The following MPPED1 variants were observed in gnomAD, a reference collection of about 807,000 sequenced individuals.
MPPED1 encodes metallophosphoesterase domain-containing protein 1.
In MPPED1, 16 loss-of-function variants were observed where a neutral mutation model predicts 36.2. The observed-to-expected ratio is 0.44, with a 90% confidence interval of 0.30 to 0.67. The LOEUF is 0.67. Among genes scored for constraint, MPPED1 ranks in the 30% least tolerant of loss-of-function variants. The probability of loss-of-function intolerance (pLI) is 0.10; values close to 1 mark genes in which losing one functional copy is unlikely to be tolerated. For synonymous variants in MPPED1, 199 were observed against 191.3 expected, an observed-to-expected ratio of 1.04 and a Z score of -0.33; for missense variants, 307 against 453.4, an observed-to-expected ratio of 0.68 and a Z score of 2.93.
At chr22:43,455,987 G>A (rs1164382307) in intron 3 of MPPED1, among the ~76,000 whole-genome samples, 1 of 152,206 alleles carries the variant, frequency 6.6e-6, no homozygotes, top group Non-Finnish European at 1.5e-5. Context: ...TGGTGAGGGA[G>A]AGGAAACAGG....
At chr22:43,420,908 C>G (rs1929249433) in intron 1 of MPPED1, among the ~76,000 whole-genome samples, 1 of 152,232 alleles carries the variant, frequency 6.6e-6, no homozygotes, top group South Asian at 2.1e-4. Flanking sequence ...ACAGGGAGAG[C>G]ATGTAGGGCC....
At chr22:43,472,855 GGAC>G (rs1931423507) in intron 3 of MPPED1, among the ~76,000 whole-genome samples, 5 of 152,264 alleles carry the variant, frequency 3.3e-5, no homozygotes, top group African/African-American at 1.2e-4. Flanking sequence ...ACGGGGCACT[GGAC>G]CCTTCTATTT....
At chr22:43,431,000 C>T (rs191896031) in intron 2 of MPPED1, among the ~76,000 whole-genome samples, 4 of 127,490 alleles carry the variant, frequency 3.1e-5, no homozygotes, top group Admixed American at 1.7e-4. Flanking sequence ...TGTTCACTGT[C>T]TCTTTCTACT....
At chr22:43,500,320 T>C (rs1602027327) in intron 5 of MPPED1, among the ~76,000 whole-genome samples, 3 of 139,126 alleles carry the variant, frequency 2.2e-5, no homozygotes, top group African/African-American at 5.4e-5. Flanking sequence ...ATGGAGGTGG[T>C]GATGGTGGTG....
chr22:43,473,670 G>C (rs571084735), intron 3 of MPPED1, among the ~76,000 whole-genome samples: 1 of 152,202 alleles, frequency 6.6e-6, no homozygotes. Flanking sequence ...GGAGTCAGGG[G>C]CCCAAGCCTG....
At chr22:43,452,019 T>A (rs1930587584) in intron 3 of MPPED1, among the ~76,000 whole-genome samples, 1 of 147,752 alleles carries the variant, frequency 6.8e-6, no homozygotes, top group South Asian at 2.1e-4. Context: ...TCTTTTTTTC[T>A]TTCTTTTTTT....
chr22:43,431,758 T>TA, intron 2 of MPPED1, among the ~76,000 whole-genome samples: 1 of 152,348 alleles, frequency 6.6e-6, no homozygotes, highest in South Asian at 2.1e-4. Context: ...GAGCTCTTGA[T>TA]GCGTGGGGAT....
intron 3 of MPPED1, among the ~76,000 whole-genome samples, chr22:43,470,860 G>A (rs1196304362): frequency 1.3e-5 from 2 of 152,246 alleles, no homozygotes; most frequent in Non-Finnish European, 2.9e-5. Flanking sequence ...TGTGACTTTG[G>A]ACTCAGAGGG....
intron 4 of MPPED1, among the ~76,000 whole-genome samples, chr22:43,488,970 G>A (rs28694417): frequency 0.66 from 100,877 of 152,114 alleles, 35,152 homozygotes; most frequent in African/African-American, 0.89. Flanking sequence ...GCACCTCAGC[G>A]TCGTATCTCA....
intron 2 of MPPED1, among the ~76,000 whole-genome samples, chr22:43,427,316 C>A (rs1929512691): frequency 6.6e-6 from 1 of 152,156 alleles, no homozygotes; most frequent in Non-Finnish European, 1.5e-5. Flanking sequence ...CCCTGGAGAA[C>A]TGGGTAATTT....
chr22:43,496,636 G>T, intron 4 of MPPED1, among the ~76,000 whole-genome samples: 1 of 22,262 alleles, frequency 4.5e-5, no homozygotes, highest in Non-Finnish European at 6.8e-5. Context: ...TGGTGGAGAT[G>T]GTGGTGGTGG....
Position 43,474,878 on chromosome 22 carries a change from T to C in MPPED1, c.549T>C (p.Asn183=). Residue 183 remains asparagine (N), a synonymous_variant, in exon 4 of 7, where the codon AAT becomes AAC. Coordinates refer to ENST00000443721, the MANE Select transcript of MPPED1 (RefSeq NM_001044370.2). This position sits in a 1 kb window ranked among gnomAD's most constrained non-coding sequence, Gnocchi z 5.2. ...VSKLKPENYE[N]VQSLLTNCIY... ...AGCTGAAGCCGGAGAACTATGAGAATGTGCAGTCGCTGCTGACCAACTGCA... is the reference window on the plus strand; with the variant it reads ...AGCTGAAGCCGGAGAACTATGAGAACGTGCAGTCGCTGCTGACCAACTGCA... The C allele has an allele frequency of 6.2e-7, 1 of 1,614,000 alleles. No homozygotes were observed. The highest frequency in any genetic ancestry group is 1.1e-5 in the South Asian group (1 of 91,086).
intron 3 of MPPED1, 35 bp downstream of exon 3, chr22:43,435,250 T>C: frequency 6.3e-7 from 1 of 1,574,992 alleles, no homozygotes; most frequent in Non-Finnish European, 8.6e-7. Context: ...GCGGCTGTGC[T>C]GAGCAGGAAG....
chr22:43,451,323 T>A (rs558628136), intron 3 of MPPED1, among the ~76,000 whole-genome samples: 94 of 152,350 alleles, frequency 6.2e-4, no homozygotes, highest in Non-Finnish European at 1.2e-3. Context: ...CTTTAATTAC[T>A]ACTATTAATA....
chr22:43,505,256 C>T (rs531945426), intron 6 of MPPED1, among the ~76,000 whole-genome samples: 2 of 152,182 alleles, frequency 1.3e-5, no homozygotes, highest in African/African-American at 4.8e-5. Flanking sequence ...TCTTATGTGC[C>T]AGGCACTGGG....
chr22:43,436,373 C>A (rs984812589), intron 3 of MPPED1, among the ~76,000 whole-genome samples: 3 of 152,216 alleles, frequency 2.0e-5, no homozygotes, highest in Non-Finnish European at 4.4e-5. Flanking sequence ...GCTGGGACTG[C>A]ACAAGCAGAG....
At chr22:43,455,875 A>G (rs1003705691) in intron 3 of MPPED1, among the ~76,000 whole-genome samples, 1 of 152,216 alleles carries the variant, frequency 6.6e-6, no homozygotes, top group Admixed American at 6.5e-5. Flanking sequence ...AGTTATCACA[A>G]GCTTCTTGGT....
chr22:43,495,493 AGTGGTGGTGGAGGTG>A (rs1569088649), intron 4 of MPPED1, among the ~76,000 whole-genome samples: 16 of 7,976 alleles, frequency 2.0e-3, no homozygotes, highest in Non-Finnish European at 3.2e-3. Flanking sequence ...TGGTGGAGGT[AGTGGTGGTGGAGGTG>A]GTGGTGGTGG....
Position 43,425,355 on chromosome 22 carries a change from C to T in MPPED1, c.224+146C>T, listed in dbSNP as rs5759337. 1,160 of 1,373,760 alleles carry T rather than the reference C, an allele frequency of 8.4e-4. 13 individuals carry two copies. In the East Asian group the frequency reaches 0.024, roughly 29 times the overall value. 85.1% of individuals were successfully genotyped at this position (1,373,760 alleles called of 1,614,324 possible). On this transcript the variant is annotated intron_variant, in intron 2 of 6. Coordinates refer to ENST00000443721, the MANE Select transcript of MPPED1 (RefSeq NM_001044370.2). ...AACAATTCTGGAATTCTAGGATCAT[C>T]GGGGCTCTGAGTTGGGAGGGACCGG... is the stretch of plus-strand genomic sequence containing the variant.
Sources: gnomAD v4.1 joint callset for allele counts (sites outside exome capture counted in the v4.1 genomes callset) on GRCh38, gnomAD v4.1.1 for gene constraint, Gnocchi (gnomAD v3.1) non-coding constraint, MANE v1.5 for transcripts, NCBI Gene and HGNC (gene_info 2026-07-23, HGNC 2026-07-21) for gene names.